The following RBM20 variants were observed in gnomAD, a reference collection of about 807,000 sequenced individuals.
RBM20 encodes the protein RNA-binding protein 20.
RBM20 carries 51 observed loss-of-function variants against 110.1 expected under a neutral mutation model. The ratio of observed to expected loss-of-function variants is 0.46; its 90% confidence interval spans 0.37 to 0.59. The LOEUF is 0.59. Ranked by LOEUF, RBM20 falls within the 20% of genes least tolerant of loss-of-function variation. RBM20 has a pLI of 0.00. For synonymous variants in RBM20, 589 were observed against 618.2 expected, an observed-to-expected ratio of 0.95 and a Z score of 0.70; for missense variants, 1,512 against 1,574.9, an observed-to-expected ratio of 0.96 and a Z score of 0.68.
intron 7 of RBM20, among the ~76,000 whole-genome samples, chr10:110,810,090 G>A (rs986781766): frequency 2.7e-5 from 4 of 150,872 alleles, no homozygotes; most frequent in African/African-American, 4.9e-5. Flanking sequence ...TTTTTTATTC[G>A]GGCAGAGGTG....
At chr10:110,783,289 C>T in intron 2 of RBM20, 77 bp from the exon 3 acceptor site, 1 of 1,125,634 alleles carries the variant, frequency 8.9e-7, no homozygotes, top group Non-Finnish European at 1.3e-6. Flanking sequence ...CCTGCCTGAC[C>T]AGTGTCTCTG....
At chr10:110,683,109 G>A (rs866138475) in intron 1 of RBM20, among the ~76,000 whole-genome samples, 8 of 152,180 alleles carry the variant, frequency 5.3e-5, no homozygotes, top group Non-Finnish European at 7.4e-5. Context: ...AGAATTAGAT[G>A]AGAGCAAAAA....
At chr10:110,666,123 A>AG (rs1437805954) in intron 1 of RBM20, among the ~76,000 whole-genome samples, 2 of 152,308 alleles carry the variant, frequency 1.3e-5, no homozygotes, top group African/African-American at 2.4e-5. Flanking sequence ...AAAATAATGA[A>AG]GGGGGGTGCA....
At chr10:110,817,475 G>T (rs537113021) in intron 9 of RBM20, among the ~76,000 whole-genome samples, 18 of 152,208 alleles carry the variant, frequency 1.2e-4, no homozygotes, top group Non-Finnish European at 2.2e-4. Context: ...CTTGTTATTC[G>T]CCCCACCCCC....
intron 9 of RBM20, among the ~76,000 whole-genome samples, chr10:110,813,739 G>A (rs777929197): frequency 2.6e-5 from 4 of 151,664 alleles, no homozygotes; most frequent in Non-Finnish European, 4.4e-5. Flanking sequence ...GGAGGCTGAG[G>A]CAGGAGAATC....
At chr10:110,649,650 ATAT>A (rs1861918869) in intron 1 of RBM20, among the ~76,000 whole-genome samples, 1 of 152,162 alleles carries the variant, frequency 6.6e-6, no homozygotes, top group African/African-American at 2.4e-5. Context: ...GGTCTAAATG[ATAT>A]TATTTGGTAT....
At chr10:110,693,891 A>C (rs1039960171) in intron 1 of RBM20, among the ~76,000 whole-genome samples, 2 of 151,960 alleles carry the variant, frequency 1.3e-5, no homozygotes, top group African/African-American at 4.8e-5. Context: ...AATTATCCTC[A>C]CTCTTGGTAA....
chr10:110,817,214 G>A (rs1419184174), intron 9 of RBM20, among the ~76,000 whole-genome samples: 2 of 152,190 alleles, frequency 1.3e-5, no homozygotes, highest in East Asian at 3.8e-4. Flanking sequence ...GCCATCTGTG[G>A]GGCCGGAGCT....
intron 1 of RBM20, among the ~76,000 whole-genome samples, chr10:110,767,467 G>T (rs1263460946): frequency 1.3e-5 from 2 of 150,518 alleles, no homozygotes; most frequent in Non-Finnish European, 3.0e-5. Context: ...TGGCTGCCGG[G>T]CGGAGGGGCT....
chr10:110,764,345 C>T (rs1430652504), intron 1 of RBM20, among the ~76,000 whole-genome samples: 2 of 152,202 alleles, frequency 1.3e-5, no homozygotes, highest in African/African-American at 2.4e-5. Flanking sequence ...GGAAGTAAAC[C>T]AGGCGAGGCT....
chr10:110,714,351 T>C (rs186886887), intron 1 of RBM20, among the ~76,000 whole-genome samples: 1 of 152,320 alleles, frequency 6.6e-6, no homozygotes, highest in East Asian at 1.9e-4. Context: ...GTACCATTGC[T>C]GCAACAAATA....
intron 5 of RBM20, among the ~76,000 whole-genome samples, chr10:110,795,474 A>G (rs1698926722): frequency 6.6e-6 from 1 of 152,218 alleles, no homozygotes; most frequent in African/African-American, 2.4e-5. Flanking sequence ...TTCAGGGCTG[A>G]ACCATAAAAG....
rs794729144 is a variant in RBM20 at position 110,781,792 on chromosome 10, C to T, written c.1183C>T (p.Gln395Ter). Residue 395 changes from glutamine (Q) to a stop codon, truncating the protein, a stop_gained, in exon 2 of 14, where the codon CAG (glutamine) becomes TAG (stop). Coordinates refer to ENST00000369519, the MANE Select transcript of RBM20 (RefSeq NM_001134363.3). LOFTEE classifies it high-confidence loss of function. The part of the protein sequence containing the change: ...DQALLSVRPL[Q>*]AHELNDFHGV... ...GGCGTTGCTATCTGTGCGGCCCCTG[C>T]AGGCTCATGAGCTGAACGACTTTCA... 6.4e-7 allele frequency: 1 copy of T among 1,551,818 alleles called. No homozygotes were observed. Among genetic ancestry groups the T allele is most frequent in the Non-Finnish European group, 8.7e-7 (1 of 1,147,014 alleles).
chr10:110,727,276 T>C (rs1373543523), intron 1 of RBM20, among the ~76,000 whole-genome samples: 1 of 150,732 alleles, frequency 6.6e-6, no homozygotes, highest in Admixed American at 6.6e-5. Context: ...ATTTTTTCAG[T>C]TTTTGGGTTT....
intron 1 of RBM20, among the ~76,000 whole-genome samples, chr10:110,772,105 A>T (rs1401451624): frequency 6.6e-6 from 1 of 152,004 alleles, no homozygotes; most frequent in Non-Finnish European, 1.5e-5. Flanking sequence ...AAACCAATTA[A>T]TTTTTGCCCA....
At chr10:110,678,844 T>C (rs1376769615) in intron 1 of RBM20, among the ~76,000 whole-genome samples, 1 of 152,192 alleles carries the variant, frequency 6.6e-6, no homozygotes, top group Non-Finnish European at 1.5e-5. Flanking sequence ...TCCAGGAGTC[T>C]GAAAGTTCAA....
intron 1 of RBM20, among the ~76,000 whole-genome samples, chr10:110,691,965 T>A (rs1862592079): frequency 6.6e-6 from 1 of 152,208 alleles, no homozygotes; most frequent in Non-Finnish European, 1.5e-5. Context: ...TGTGTAAGGA[T>A]CCAACTTCAT....
chr10:110,809,764 G>A (rs1156575787), intron 7 of RBM20, among the ~76,000 whole-genome samples: 3 of 152,190 alleles, frequency 2.0e-5, no homozygotes, highest in Non-Finnish European at 4.4e-5. Flanking sequence ...GGAAAGCATG[G>A]AAAGGAACTT....
intron 1 of RBM20, among the ~76,000 whole-genome samples, chr10:110,725,448 C>G (rs1843550608): frequency 6.6e-6 from 1 of 152,162 alleles, no homozygotes; most frequent in African/African-American, 2.4e-5. Context: ...TATTAGGAAT[C>G]CTATGTTTCT....
Sources: gnomAD v4.1 joint callset for allele counts (sites outside exome capture counted in the v4.1 genomes callset) on GRCh38, gnomAD v4.1.1 for gene constraint, MANE v1.5 for transcripts, NCBI Gene and HGNC (gene_info 2026-07-23, HGNC 2026-07-21) for gene names.